Variants in PHF14 observed in about 807,000 individuals in gnomAD.
PHF14 encodes the protein PHD finger protein 14.
PHF14 carries 55 observed loss-of-function variants against 117.9 expected under a neutral mutation model. That is an observed-to-expected ratio of 0.47 (90% CI 0.38 to 0.58). The LOEUF (loss-of-function observed/expected upper bound fraction) is 0.58. PHF14 is among the 20% of genes least tolerant of loss of function. The pLI, the probability that PHF14 is intolerant of heterozygous loss-of-function variation, is 0.00. For missense variants in PHF14, 978 were observed against 1,122.2 expected (o/e 0.87, Z 1.84); for synonymous variants, 409 against 368.6 (o/e 1.11, Z -1.26).
intron 16 of PHF14, among the ~76,000 whole-genome samples, chr7:11,097,834 ATCTT>A (rs1786935756): frequency 6.6e-6 from 1 of 152,114 alleles, no homozygotes; most frequent in Admixed American, 6.5e-5. Flanking sequence ...CCTCTATTCT[ATCTT>A]CTCCTTCATC....
intron 3 of PHF14, among the ~76,000 whole-genome samples, chr7:10,987,106 T>TTA (rs1430213712): frequency 8.5e-4 from 129 of 152,314 alleles, no homozygotes; most frequent in Middle Eastern, 3.4e-3. Flanking sequence ...TCCACTTCTA[T>TTA]TTGGGACTTC....
chr7:10,987,213 G>A (rs989266534), intron 3 of PHF14, among the ~76,000 whole-genome samples: 2 of 152,176 alleles, frequency 1.3e-5, no homozygotes, highest in East Asian at 1.9e-4. Flanking sequence ...TATAAATATC[G>A]AGATTCATGA....
intron 17 of PHF14, among the ~76,000 whole-genome samples, chr7:11,149,830 G>C (rs1434581325): frequency 1.3e-5 from 2 of 151,656 alleles, no homozygotes; most frequent in Non-Finnish European, 2.9e-5. Context: ...ATATTTCTAA[G>C]TATATAGCAG....
chr7:11,102,791 T>C, intron 16 of PHF14: 2 of 1,349,088 alleles, frequency 1.5e-6, no homozygotes, highest in Non-Finnish European at 1.9e-6. Flanking sequence ...ATCAGAAATA[T>C]TTGATGTGTG....
intron 6 of PHF14, among the ~76,000 whole-genome samples, chr7:11,025,085 G>A (rs1783863075): frequency 6.6e-6 from 1 of 152,184 alleles, no homozygotes; most frequent in South Asian, 2.1e-4. Flanking sequence ...AGCCTTCATG[G>A]ATAACTTTGA....
intron 17 of PHF14, among the ~76,000 whole-genome samples, chr7:11,150,432 C>T (rs1032505621): frequency 6.6e-6 from 1 of 152,068 alleles, no homozygotes; most frequent in Non-Finnish European, 1.5e-5. Context: ...ATGGAAATCA[C>T]CTCTATTCTC....
chr7:11,145,428 C>T (rs1788518860), intron 17 of PHF14, among the ~76,000 whole-genome samples: 1 of 152,030 alleles, frequency 6.6e-6, no homozygotes, highest in South Asian at 2.1e-4. Context: ...ATTATTGTTG[C>T]TAAAACTTAT....
At chr7:11,141,345 G>A (rs888561819) in intron 17 of PHF14, among the ~76,000 whole-genome samples, 10 of 152,008 alleles carry the variant, frequency 6.6e-5, no homozygotes, top group African/African-American at 2.4e-4. Context: ...ATAAGTAGGA[G>A]CAGGCCCAGA....
chr7:11,035,049 G>A (rs1784267783), intron 7 of PHF14, among the ~76,000 whole-genome samples: 1 of 150,958 alleles, frequency 6.6e-6, no homozygotes, highest in South Asian at 2.1e-4. Flanking sequence ...AATACAGCCG[G>A]CCCTCCGTGT....
chr7:11,109,423 T>C (rs1787370180), intron 16 of PHF14: 1 of 151,900 alleles, frequency 6.6e-6, no homozygotes, highest in Admixed American at 6.6e-5. Flanking sequence ...ATATTTAATA[T>C]GTTTATTTGA....
intron 17 of PHF14, among the ~76,000 whole-genome samples, chr7:11,159,706 T>C (rs185319659): frequency 2.3e-3 from 351 of 152,290 alleles, no homozygotes; most frequent in Non-Finnish European, 4.5e-3. Context: ...AAGGGATCTC[T>C]GTATTATTTC....
rs1474439702 is a variant in PHF14, at chr7:11,130,303, G to A, written c.2772+18836G>A. 1.3e-5 allele frequency among the ~76,000 whole-genome samples: 2 copies of A among 151,960 alleles called. No homozygotes were observed. Among genetic ancestry groups the A allele is most frequent in the Admixed American group, 6.6e-5 (1 of 15,214 alleles). On this transcript the variant is annotated intron_variant, in intron 17 of 17. Coordinates refer to ENST00000634607, the MANE Select transcript of PHF14 (RefSeq NM_001007157.2). This position sits in a 1 kb window ranked among gnomAD's most constrained non-coding sequence, Gnocchi z 4.2. The stretch of plus-strand genomic sequence containing the variant: ...AGTAAGTGTAATGCTACCACCATAT[G>A]CTACCATACTTCCAAGACCTTTCTG...
At chr7:11,043,642 A>G (rs1461826462) in intron 13 of PHF14, among the ~76,000 whole-genome samples, 1 of 152,024 alleles carries the variant, frequency 6.6e-6, no homozygotes, top group African/African-American at 2.4e-5. Flanking sequence ...AGGAAGCTGA[A>G]ATTTTTTCAC....
chr7:11,091,753 T>C (rs1334238346), intron 16 of PHF14, among the ~76,000 whole-genome samples: 3 of 152,050 alleles, frequency 2.0e-5, no homozygotes, highest in African/African-American at 7.2e-5. Flanking sequence ...GCGAGACCCT[T>C]TCTCAAAAAT....
intron 5 of PHF14, among the ~76,000 whole-genome samples, chr7:11,020,444 C>A: frequency 6.6e-6 from 1 of 152,108 alleles, no homozygotes; most frequent in Non-Finnish European, 1.5e-5. Context: ...GTGGCATGAT[C>A]TTGGCTCATT....
rs903379241 is a variant in PHF14 at position 11,100,845 on chromosome 7, C to T, written c.2655-10505C>T. Among the ~76,000 whole-genome samples, 9 of 151,930 alleles carry T rather than the reference C, an allele frequency of 5.9e-5. No individual in the cohort carries two copies. The South Asian group carries it at 6.2e-4, about 11-fold the overall frequency. On this transcript the variant is annotated intron_variant, in intron 16 of 17. Coordinates refer to ENST00000634607, the MANE Select transcript of PHF14 (RefSeq NM_001007157.2). ...GCACTAATTAGGCATACTGCCTCAC[C>T]GCACTACACTGCTTTAGCATATTTG...
intron 7 of PHF14, among the ~76,000 whole-genome samples, chr7:11,033,959 A>G (rs181534217): frequency 6.6e-6 from 1 of 152,298 alleles, no homozygotes; most frequent in African/African-American, 2.4e-5. Flanking sequence ...CTGTTTTACT[A>G]ATGTGGTAAC....
intron 5 of PHF14, among the ~76,000 whole-genome samples, chr7:11,014,665 C>T (rs1688486157): frequency 6.6e-6 from 1 of 152,122 alleles, no homozygotes; most frequent in African/African-American, 2.4e-5. Context: ...AGACCTCCTG[C>T]CATTGAGTTT....
chr7:11,131,387 G>T (rs1788086613), intron 17 of PHF14, among the ~76,000 whole-genome samples: 2 of 151,822 alleles, frequency 1.3e-5, no homozygotes, highest in South Asian at 4.1e-4. Flanking sequence ...TTCATTTGCA[G>T]TTTCATAAGG....
Sources: allele counts gnomAD v4.1 joint callset (sites outside exome capture counted in the v4.1 genomes callset), GRCh38; gene constraint gnomAD v4.1.1; non-coding constraint Gnocchi (gnomAD v3.1); transcripts MANE v1.5; gene names NCBI Gene and HGNC (gene_info 2026-07-23, HGNC 2026-07-21).